SAMMSON: variants seen among roughly 807,000 people sequenced by gnomAD.
The protein encoded by SAMMSON is survival associated mitochondrial melanoma specific oncogenic non-coding RNA, also known as long intergenic non-protein coding RNA 1212.
rs114908533 is a variant in SAMMSON, at chr3:70,198,972, C to T, written n.508-50135C>T. ...AAAGATGAGGGACATACAACCTCAT[C>T]GAGTTTTACCAATATGAAGACCACT... On this transcript the variant is annotated intron_variant and non_coding_transcript_variant, in intron 4 of 9. Transcript: ENST00000642114. Among the ~76,000 whole-genome samples, 1,274 of 152,258 alleles carry T rather than the reference C, an allele frequency of 8.4e-3. 20 individuals are homozygous for T. The highest frequency in any genetic ancestry group is 0.029 in the African/African-American group (1,196 of 41,546).
chr3:70,105,576 G>A (rs908117660), intron 4 of SAMMSON, among the ~76,000 whole-genome samples: 3 of 152,180 alleles, frequency 2.0e-5, no homozygotes, highest in African/African-American at 7.2e-5. Context: ...TGACTCCCAT[G>A]TGGAAGAGAG....
intron 2 of SAMMSON, among the ~76,000 whole-genome samples, chr3:70,398,485 C>A (rs968555553): frequency 1.3e-5 from 2 of 152,166 alleles, no homozygotes; most frequent in African/African-American, 2.4e-5. Flanking sequence ...ATAAACATAG[C>A]ACATTCTTAT....
At chr3:70,056,066 A>G (rs2067165518) in intron 3 of SAMMSON, among the ~76,000 whole-genome samples, 2 of 152,044 alleles carry the variant, frequency 1.3e-5, no homozygotes, top group Admixed American at 1.3e-4. Context: ...ATCACTGCAG[A>G]CTGAGCCAGA....
intron 9 of SAMMSON, among the ~76,000 whole-genome samples, chr3:70,361,538 G>A (rs1702870575): frequency 6.6e-6 from 1 of 152,116 alleles, no homozygotes; most frequent in South Asian, 2.1e-4. Context: ...TCATCTCGCT[G>A]CAGCATCTGC....
intron 4 of SAMMSON, among the ~76,000 whole-genome samples, chr3:70,196,350 G>A (rs1391642868): frequency 1.3e-5 from 2 of 152,122 alleles, no homozygotes; most frequent in Non-Finnish European, 2.9e-5. Context: ...TGTAATTACA[G>A]GAACATGGTT....
chr3:70,168,376 A>G (rs542475449), intron 4 of SAMMSON, among the ~76,000 whole-genome samples: 3 of 151,994 alleles, frequency 2.0e-5, no homozygotes, highest in South Asian at 4.1e-4. Flanking sequence ...AGCACAGGTC[A>G]GTAGTGGCGC....
At chr3:70,401,482 T>A (rs1701141461) in intron 2 of SAMMSON, among the ~76,000 whole-genome samples, 1 of 152,216 alleles carries the variant, frequency 6.6e-6, no homozygotes, top group African/African-American at 2.4e-5. Context: ...TTGAATGAAA[T>A]AATTCAGTGA....
chr3:70,264,070 A>T (rs1183340943), intron 6 of SAMMSON, among the ~76,000 whole-genome samples: 1 of 152,202 alleles, frequency 6.6e-6, no homozygotes, highest in Non-Finnish European at 1.5e-5. Flanking sequence ...TGTGTCTAGC[A>T]CAATCACTTT....
At chr3:70,430,574 CT>C (rs1475145664) in intron 2 of SAMMSON, among the ~76,000 whole-genome samples, 1 of 152,106 alleles carries the variant, frequency 6.6e-6, no homozygotes. Context: ...AAGACCATAT[CT>C]GGAATCCCTG....
intron 2 of SAMMSON, among the ~76,000 whole-genome samples, chr3:70,408,031 G>T (rs1384117888): frequency 6.6e-6 from 1 of 152,218 alleles, no homozygotes; most frequent in African/African-American, 2.4e-5. Flanking sequence ...AGCTGCCAAC[G>T]CTTGAGGCTT....
At chr3:70,164,322 G>A (rs914297052) in intron 4 of SAMMSON, among the ~76,000 whole-genome samples, 8 of 152,026 alleles carry the variant, frequency 5.3e-5, no homozygotes, top group African/African-American at 1.7e-4. Context: ...GACAAAATAT[G>A]TATAGAACCC....
At chr3:70,014,239 C>T (rs2066971563) in intron 3 of SAMMSON, 1 of 152,130 alleles carries the variant, frequency 6.6e-6, no homozygotes, top group Non-Finnish European at 1.5e-5. Context: ...AGAGGGAATT[C>T]AGTTGGCTAA....
At chr3:70,039,265 G>T (rs144194331) in intron 3 of SAMMSON, among the ~76,000 whole-genome samples, 13 of 152,140 alleles carry the variant, frequency 8.5e-5, no homozygotes, top group African/African-American at 2.6e-4. Context: ...AAATGGGGAG[G>T]GACTGGGAGG....
At chr3:70,331,159 C>T (rs949913925) in intron 7 of SAMMSON, among the ~76,000 whole-genome samples, 8 of 152,166 alleles carry the variant, frequency 5.3e-5, no homozygotes, top group Middle Eastern at 3.2e-3. Flanking sequence ...CCACAAATCT[C>T]ATCCTATTTT....
rs747024588 is a variant in SAMMSON, at chr3:70,326,865, T to C, written n.740-27310T>C. ...TGATGGTGATGATAATGATAATATA[T>C]ATATATTTTTTGAGACAGAGTCACG... On this transcript the variant is annotated intron_variant and non_coding_transcript_variant, in intron 7 of 9. Transcript: ENST00000642114. Among the ~76,000 whole-genome samples the C allele has an allele frequency of 2.6e-5, 4 of 152,132 alleles. 1 individual carries two copies. Among genetic ancestry groups the C allele is most frequent in the Non-Finnish European group, 5.9e-5 (4 of 68,008 alleles).
intron 3 of SAMMSON, chr3:70,015,005 G>A (rs1006783866): frequency 6.6e-6 from 1 of 152,140 alleles, no homozygotes; most frequent in Non-Finnish European, 1.5e-5. Context: ...TTGGGGCCAG[G>A]TGCTGTGGCT....
intron 4 of SAMMSON, among the ~76,000 whole-genome samples, chr3:70,223,895 C>G (rs1346049452): frequency 6.6e-6 from 1 of 152,052 alleles, no homozygotes; most frequent in Non-Finnish European, 1.5e-5. Flanking sequence ...TCTTACTCTG[C>G]TTCATCAATC....
At chr3:70,182,612 A>G (rs1460829263) in intron 4 of SAMMSON, among the ~76,000 whole-genome samples, 2 of 152,262 alleles carry the variant, frequency 1.3e-5, no homozygotes, top group Admixed American at 1.3e-4. Flanking sequence ...CTCAATCTCA[A>G]TGATTTCACG....
chr3:70,398,706 T>G (rs769771958), intron 2 of SAMMSON, among the ~76,000 whole-genome samples: 1 of 152,210 alleles, frequency 6.6e-6, no homozygotes, highest in Non-Finnish European at 1.5e-5. Flanking sequence ...CCCTCCAAAT[T>G]TGACTTTCAC....
Sources: gnomAD v4.1 joint callset for allele counts (sites outside exome capture counted in the v4.1 genomes callset) on GRCh38, gnomAD v4.1.1 for gene constraint, MANE v1.5 for transcripts, NCBI Gene and HGNC (gene_info 2026-07-23, HGNC 2026-07-21) for gene names.